The following HHAT variants were observed in gnomAD, a reference collection of about 807,000 sequenced individuals.
HHAT encodes hedgehog acyltransferase.
HHAT carries 47 observed loss-of-function variants against 70.8 expected under a neutral mutation model. The ratio of observed to expected loss-of-function variants is 0.66; its 90% CI spans 0.53 to 0.85. HHAT has a LOEUF of 0.85. HHAT is among the 40% of genes least tolerant of loss of function. HHAT has a pLI of 0.00. For missense variants in HHAT, 609 were observed against 604.8 expected, an observed-to-expected ratio of 1.01 and a Z score of -0.07; for synonymous variants, 228 against 247.6, an observed-to-expected ratio of 0.92 and a Z score of 0.74.
At chr1:210,552,865 A>G (rs1181596180) in intron 9 of HHAT, among the ~76,000 whole-genome samples, 1 of 152,212 alleles carries the variant, frequency 6.6e-6, no homozygotes, top group Non-Finnish European at 1.5e-5. Context: ...CTACCCTCAC[A>G]GAATGATTCC....
intron 2 of HHAT, among the ~76,000 whole-genome samples, chr1:210,361,024 G>A (rs1031503009): frequency 4.0e-5 from 6 of 151,868 alleles, no homozygotes. Context: ...GAAATCTGAG[G>A]CTAGCGTGTA....
At chr1:210,356,811 C>G (rs2087680560) in intron 2 of HHAT, among the ~76,000 whole-genome samples, 1 of 152,252 alleles carries the variant, frequency 6.6e-6, no homozygotes, top group Admixed American at 6.5e-5. Flanking sequence ...ATCAGTAACT[C>G]TGAAGAACCC....
chr1:210,570,654 G>A (rs1487346883), intron 9 of HHAT, among the ~76,000 whole-genome samples: 1 of 152,132 alleles, frequency 6.6e-6, no homozygotes, highest in Non-Finnish European at 1.5e-5. Context: ...ATGAAAGTTG[G>A]GGGTCACCCT....
chr1:210,495,419 T>C (rs1358770460), intron 8 of HHAT, among the ~76,000 whole-genome samples: 2 of 152,144 alleles, frequency 1.3e-5, no homozygotes, highest in South Asian at 2.1e-4. Flanking sequence ...TCTTTAACTT[T>C]AGGCGTGTTA....
intron 2 of HHAT, among the ~76,000 whole-genome samples, chr1:210,360,044 C>T (rs1453615963): frequency 2.0e-5 from 3 of 152,040 alleles, no homozygotes; most frequent in African/African-American, 4.8e-5. Flanking sequence ...AGGGCGGTTA[C>T]CAGAAGATAT....
chr1:210,449,134 C>A (rs2093694851), intron 7 of HHAT, among the ~76,000 whole-genome samples: 1 of 152,180 alleles, frequency 6.6e-6, no homozygotes, highest in South Asian at 2.1e-4. Flanking sequence ...ATTCCACAAG[C>A]AGCTTAAAAT....
At chr1:210,561,039 G>GT (rs371825094) in intron 9 of HHAT, among the ~76,000 whole-genome samples, 62 of 152,210 alleles carry the variant, frequency 4.1e-4, no homozygotes, top group Middle Eastern at 3.4e-3. Context: ...GGAAGATGTG[G>GT]TGAAAATGGT....
intron 11 of HHAT, among the ~76,000 whole-genome samples, chr1:210,657,259 C>T (rs1417651303): frequency 6.6e-6 from 1 of 152,216 alleles, no homozygotes. Flanking sequence ...TGCCTCTGGA[C>T]AACCTAGTCC....
chr1:210,379,423 T>C (rs772819330), intron 3 of HHAT, among the ~76,000 whole-genome samples: 1 of 152,232 alleles, frequency 6.6e-6, no homozygotes, highest in African/African-American at 2.4e-5. Context: ...TAAATAGTCA[T>C]GGTTGAGTTA....
intron 8 of HHAT, among the ~76,000 whole-genome samples, chr1:210,489,481 C>T (rs1424813029): frequency 6.6e-6 from 1 of 152,150 alleles, no homozygotes; most frequent in African/African-American, 2.4e-5. Context: ...GCAGGCTAAT[C>T]CAAGGATCTT....
At chr1:210,364,859 G>A (rs2088745737) in intron 3 of HHAT, among the ~76,000 whole-genome samples, 1 of 152,160 alleles carries the variant, frequency 6.6e-6, no homozygotes, top group East Asian at 1.9e-4. Flanking sequence ...AAGTCCACGT[G>A]GCACAGACAC....
At chr1:210,375,381 G>A (rs2090106022) in intron 3 of HHAT, among the ~76,000 whole-genome samples, 1 of 152,062 alleles carries the variant, frequency 6.6e-6, no homozygotes, top group Non-Finnish European at 1.5e-5. Flanking sequence ...TTTGACCCTG[G>A]TGATTTTCTT....
At chr1:210,490,939 A>G (rs1025788913) in intron 8 of HHAT, among the ~76,000 whole-genome samples, 2 of 152,118 alleles carry the variant, frequency 1.3e-5, no homozygotes, top group East Asian at 3.9e-4. Context: ...TGTAAGGAGC[A>G]TAGGAAAAAA....
intron 6 of HHAT, among the ~76,000 whole-genome samples, chr1:210,404,933 A>G (rs1035808113): frequency 3.3e-5 from 5 of 152,224 alleles, no homozygotes; most frequent in Non-Finnish European, 7.3e-5. Context: ...TCTGGCAACC[A>G]GGATTAATGA....
intron 10 of HHAT, among the ~76,000 whole-genome samples, chr1:210,593,625 G>A (rs749253916): frequency 9.2e-5 from 14 of 152,124 alleles, no homozygotes; most frequent in Non-Finnish European, 2.9e-5. Flanking sequence ...ATACGTGGAG[G>A]AGAAGAATGT....
chr1:210,595,902 C>T (rs1370592281), intron 10 of HHAT, among the ~76,000 whole-genome samples: 3 of 151,778 alleles, frequency 2.0e-5, no homozygotes, highest in Non-Finnish European at 4.4e-5. Context: ...CAAAAATTTT[C>T]TCCCATTCTG....
intron 3 of HHAT, chr1:210,374,031 A>G (rs773649163): frequency 1.3e-5 from 2 of 152,242 alleles, no homozygotes; most frequent in Non-Finnish European, 1.5e-5. Flanking sequence ...ATGGAAAACA[A>G]GAGTTAACTG....
At chr1:210,465,028 C>T (rs1404414206) in intron 8 of HHAT, among the ~76,000 whole-genome samples, 2 of 152,120 alleles carry the variant, frequency 1.3e-5, no homozygotes, top group Non-Finnish European at 2.9e-5. Context: ...GAAAAATAGA[C>T]TCAGGATAGG....
At chr1:210,538,167 G>GAT (rs1487866169) in intron 9 of HHAT, among the ~76,000 whole-genome samples, 3 of 151,412 alleles carry the variant, frequency 2.0e-5, no homozygotes, top group Admixed American at 2.0e-4. Context: ...ATGAAAATGA[G>GAT]ATATTCATCA....
Sources: allele counts gnomAD v4.1 joint callset (sites outside exome capture counted in the v4.1 genomes callset), GRCh38; gene constraint gnomAD v4.1.1; transcripts MANE v1.5; gene names NCBI Gene and HGNC (gene_info 2026-07-23, HGNC 2026-07-21).